The following HDHD2 variants were observed in gnomAD, a reference collection of about 807,000 sequenced individuals.
HDHD2 encodes haloacid dehalogenase-like hydrolase domain-containing protein 2.
Under a neutral mutation model 24.8 loss-of-function variants are expected in HDHD2, and 26 were observed. The ratio of observed to expected loss-of-function variants is 1.05; its 90% CI spans 0.77 to 1.45. The LOEUF is 1.45. Among genes scored for constraint, HDHD2 ranks in the 40% most tolerant of loss-of-function variants. The pLI is 0.00. For synonymous variants in HDHD2, 128 were observed against 114.9 expected (o/e 1.11, Z -0.73); for missense variants, 299 against 313.4 (o/e 0.95, Z 0.35).
chr18:47,114,596 G>A (rs943411475), intron 5 of HDHD2, among the ~76,000 whole-genome samples: 7 of 152,174 alleles, frequency 4.6e-5, no homozygotes, highest in African/African-American at 1.7e-4. Context: ...GGCCACAGGT[G>A]ACCAGCCAGG....
chr18:47,125,646 C>T (rs1263176074), intron 4 of HDHD2, among the ~76,000 whole-genome samples: 1 of 152,114 alleles, frequency 6.6e-6, no homozygotes, highest in African/African-American at 2.4e-5. Flanking sequence ...CCAAAAAATG[C>T]TATAATTCTA....
intron 4 of HDHD2, among the ~76,000 whole-genome samples, chr18:47,125,745 G>A (rs2063652806): frequency 6.6e-6 from 1 of 152,174 alleles, no homozygotes; most frequent in Admixed American, 6.5e-5. Context: ...TAGTGACTGG[G>A]AAAGGGAGCC....
At chr18:47,111,378 A>G (rs2063514766) in intron 6 of HDHD2, 1 of 981,480 alleles carries the variant, frequency 1.0e-6, no homozygotes. Flanking sequence ...AAAAAAAAAA[A>G]AAAAGAAAGA....
chr18:47,120,351 A>C lies in HDHD2; in HGVS notation c.396-5003T>G, dbSNP rs115287829. The stretch of plus-strand genomic sequence containing the variant: ...CTGCTTCATCTTGCACTTTAATGCA[A>C]GTTTATGGAGACAGCTTCTTTCCTT... On this transcript the variant is annotated intron_variant, in intron 4 of 6. Coordinates refer to ENST00000300605, the MANE Select transcript of HDHD2 (RefSeq NM_032124.5). Among the ~76,000 whole-genome samples, 485 of 152,326 alleles carry C rather than the reference A, an allele frequency of 3.2e-3. 7 individuals are homozygous for C. The highest frequency in any genetic ancestry group is 0.025 in the East Asian group (132 of 5,186).
intron 4 of HDHD2, among the ~76,000 whole-genome samples, chr18:47,126,278 A>T (rs541002529): frequency 2.6e-5 from 4 of 152,336 alleles, no homozygotes; most frequent in African/African-American, 9.6e-5. Context: ...TACTTAGGAA[A>T]TATTCAGGAG....
chr18:47,149,908 C>T (rs1357594258), intron 1 of HDHD2, among the ~76,000 whole-genome samples: 1 of 152,170 alleles, frequency 6.6e-6, no homozygotes, highest in Non-Finnish European at 1.5e-5. Flanking sequence ...ACTCATGAAT[C>T]CCGGTGTCCA....
At chr18:47,132,431 T>C (rs1385804773) in intron 3 of HDHD2, among the ~76,000 whole-genome samples, 2 of 152,242 alleles carry the variant, frequency 1.3e-5, no homozygotes. Flanking sequence ...TGTGTATTTT[T>C]GTATCTATAT....
Position 47,115,153 on chromosome 18 carries a change from C to T in HDHD2, c.591G>A (p.Glu197=). The T allele has an allele frequency of 6.2e-7, 1 of 1,613,594 alleles. No homozygotes were observed. Among genetic ancestry groups the T allele is most frequent in the Non-Finnish European group, 8.5e-7 (1 of 1,179,766 alleles). Residue 197 remains glutamate (E), a synonymous_variant, in exon 5 of 7, where the codon GAG becomes GAA. Coordinates refer to ENST00000300605, the MANE Select transcript of HDHD2 (RefSeq NM_032124.5). The stretch of plus-strand genomic sequence containing the variant: ...TTACATCTCCTATCATGACAGCCTC[C>T]TCAGGTTCACAGCCAGTGCCCCGCA... ...EALRGTGCEP[E]EAVMIGDDCR...
chr18:47,144,059 T>C (rs534888902), intron 1 of HDHD2, among the ~76,000 whole-genome samples: 4 of 151,992 alleles, frequency 2.6e-5, no homozygotes, highest in African/African-American at 9.7e-5. Flanking sequence ...AGATAAAAAA[T>C]TATACACATG....
At chr18:47,113,634 CAAT>C (rs1242650455) in intron 5 of HDHD2, among the ~76,000 whole-genome samples, 9 of 151,988 alleles carry the variant, frequency 5.9e-5, no homozygotes, top group African/African-American at 2.2e-4. Context: ...TATACATCAT[CAAT>C]GATGATGAAT....
chr18:47,131,681 A>C (rs1157019672), intron 3 of HDHD2, among the ~76,000 whole-genome samples: 2 of 152,148 alleles, frequency 1.3e-5, no homozygotes, highest in African/African-American at 4.8e-5. Flanking sequence ...TTATTATTGC[A>C]TCTCTTTTCA....
At chr18:47,110,522 A>C (rs1056810952) in intron 6 of HDHD2, 1 of 985,202 alleles carries the variant, frequency 1.0e-6, no homozygotes, top group Admixed American at 6.1e-5. Flanking sequence ...CAAATAAATA[A>C]GCTTCCTAGC....
At chr18:47,147,587 C>G (rs1190184447) in intron 1 of HDHD2, among the ~76,000 whole-genome samples, 3 of 152,092 alleles carry the variant, frequency 2.0e-5, no homozygotes, top group African/African-American at 7.2e-5. Flanking sequence ...ATCTAATATT[C>G]AAGAAGAAAC....
chr18:47,111,231 G>A (rs1363942561), intron 6 of HDHD2: 1 of 985,166 alleles, frequency 1.0e-6, no homozygotes, highest in Admixed American at 6.2e-5. Flanking sequence ...TGATGCCTGT[G>A]AAAGGCTGGT....
At chr18:47,137,745 T>C (rs565858948) in intron 1 of HDHD2, among the ~76,000 whole-genome samples, 2 of 152,280 alleles carry the variant, frequency 1.3e-5, no homozygotes, top group East Asian at 1.9e-4. Flanking sequence ...AAGACAATTT[T>C]ATAACTTTTT....
intron 6 of HDHD2, chr18:47,111,088 G>A (rs1338229650): frequency 5.1e-6 from 5 of 985,206 alleles, no homozygotes; most frequent in Non-Finnish European, 6.0e-6. Flanking sequence ...GAACAGTAGG[G>A]TTATTCATGA....
chr18:47,124,093 C>A (rs2063633383), intron 4 of HDHD2, among the ~76,000 whole-genome samples: 1 of 152,166 alleles, frequency 6.6e-6, no homozygotes, highest in Admixed American at 6.5e-5. Context: ...ATACGTGTTG[C>A]TGGAACAACT....
At chr18:47,110,574 G>C (rs1255066425) in intron 6 of HDHD2, 15 of 985,254 alleles carry the variant, frequency 1.5e-5, no homozygotes, top group Non-Finnish European at 1.7e-5. Context: ...TCTGCAAGTG[G>C]GGTTTCTACA....
intron 3 of HDHD2, among the ~76,000 whole-genome samples, chr18:47,134,077 C>G (rs1691660917): frequency 6.6e-6 from 1 of 152,160 alleles, no homozygotes; most frequent in South Asian, 2.1e-4. Context: ...ATGGTATTGC[C>G]TAGGTTTTCT....
Sources: allele counts gnomAD v4.1 joint callset (sites outside exome capture counted in the v4.1 genomes callset), GRCh38; gene constraint gnomAD v4.1.1; transcripts MANE v1.5; gene names NCBI Gene and HGNC (gene_info 2026-07-23, HGNC 2026-07-21).